Variants in SULF1 observed in about 807,000 individuals in gnomAD.
SULF1 encodes extracellular sulfatase Sulf-1.
Under a neutral mutation model 110.5 loss-of-function variants are expected in SULF1, and 46 were observed. That is an observed-to-expected ratio of 0.42 (90% CI 0.33 to 0.53). The LOEUF is 0.53. SULF1 is among the 20% of genes least tolerant of loss of function. The pLI is 0.12. For missense variants in SULF1, 941 were observed against 1,094.2 expected (o/e 0.86, Z 1.98); for synonymous variants, 371 against 387.1 (o/e 0.96, Z 0.49).
At chr8:69,619,654 G>T (rs1017516730) in intron 13 of SULF1, among the ~76,000 whole-genome samples, 2 of 152,230 alleles carry the variant, frequency 1.3e-5, no homozygotes, top group African/African-American at 4.8e-5. Flanking sequence ...TCACATAGCA[G>T]CATGCCCACT....
At chr8:69,608,583 G>T (rs779731036) in intron 13 of SULF1, among the ~76,000 whole-genome samples, 14 of 152,206 alleles carry the variant, frequency 9.2e-5, no homozygotes, top group Non-Finnish European at 1.6e-4. Context: ...TACTTGGGAG[G>T]CTGAGACCGG....
chr8:69,506,015 G>A (rs557591880), intron 3 of SULF1, among the ~76,000 whole-genome samples: 59 of 151,960 alleles, frequency 3.9e-4, no homozygotes, highest in Non-Finnish European at 5.6e-4. Context: ...CAAAAGCAGT[G>A]ATTTCATAGG....
chr8:69,623,285 A>C (rs1250218590), intron 14 of SULF1, among the ~76,000 whole-genome samples: 1 of 152,186 alleles, frequency 6.6e-6, no homozygotes, highest in Non-Finnish European at 1.5e-5. Context: ...CTCTTTGAAA[A>C]AGCAGCCCAA....
Position 69,495,803 on chromosome 8 carries a change from G to C in SULF1, c.-352G>C, listed in dbSNP as rs1320903662. 1 of 152,186 alleles carries C rather than the reference G, an allele frequency of 6.6e-6. No homozygotes were observed. The highest frequency in any genetic ancestry group is 1.5e-5 in the Non-Finnish European group (1 of 68,032). 9.4% of individuals were successfully genotyped at this position (152,186 alleles called of 1,614,324 possible). On this transcript the variant is annotated 5_prime_UTR_variant, in exon 2 of 23. Coordinates refer to ENST00000402687, the MANE Select transcript of SULF1 (RefSeq NM_001128205.2). ...CTCTTGAACAAGGAACTCACTCAGAGACTAACACAAAGGAAGTAATTTCTT... is the reference window on the plus strand; with the variant it reads ...CTCTTGAACAAGGAACTCACTCAGACACTAACACAAAGGAAGTAATTTCTT...
intron 2 of SULF1, among the ~76,000 whole-genome samples, chr8:69,497,631 G>A (rs1328745972): frequency 1.3e-5 from 2 of 152,172 alleles, no homozygotes; most frequent in African/African-American, 4.8e-5. Context: ...TCAGCATTTT[G>A]CTACTGATGA....
chr8:69,545,239 T>C (rs111630411), intron 3 of SULF1, among the ~76,000 whole-genome samples: 1,771 of 152,276 alleles, frequency 0.012, 40 homozygotes, highest in African/African-American at 0.039. Flanking sequence ...ATCAATTTCA[T>C]AGCACTTACC....
At chr8:69,622,317 A>T (rs970737423) in intron 14 of SULF1, among the ~76,000 whole-genome samples, 1 of 152,152 alleles carries the variant, frequency 6.6e-6, no homozygotes, top group African/African-American at 2.4e-5. Context: ...GGTGACTCAC[A>T]TCTGTAATCC....
intron 14 of SULF1, among the ~76,000 whole-genome samples, chr8:69,623,150 C>A (rs774085619): frequency 2.0e-4 from 30 of 151,584 alleles, no homozygotes; most frequent in Non-Finnish European, 3.7e-4. Context: ...CCGCCCACCC[C>A]TTGCCTTAAC....
intron 22 of SULF1, chr8:69,642,437 C>T (rs957362357): frequency 1.0e-6 from 1 of 980,466 alleles, no homozygotes; most frequent in African/African-American, 1.8e-5. Context: ...TCTTGTTCTT[C>T]ATCTTAACTG....
intron 15 of SULF1, chr8:69,625,904 G>A (rs1355161879): frequency 6.6e-6 from 1 of 152,200 alleles, no homozygotes; most frequent in Non-Finnish European, 1.5e-5. Context: ...GTGCTGATTG[G>A]TGCATTTACA....
intron 3 of SULF1, among the ~76,000 whole-genome samples, chr8:69,556,575 T>C (rs745793825): frequency 6.6e-6 from 1 of 152,202 alleles, no homozygotes; most frequent in African/African-American, 2.4e-5. Context: ...TTCTGCTGAC[T>C]AATGCAATAT....
At chr8:69,603,517 G>A (rs987994052) in intron 11 of SULF1, 83 bp from the exon 12 acceptor site, 19 of 1,336,454 alleles carry the variant, frequency 1.4e-5, no homozygotes, top group Non-Finnish European at 2.0e-5. Flanking sequence ...AGTGAGAGGT[G>A]TTTCTTTAAA....
chr8:69,624,537 C>T lies in SULF1; in HGVS notation c.1850+340C>T, dbSNP rs149407395. Reference sequence around the variant, plus strand: ...GTTCATGAGCCTAAGCAGTTACCTTCGCAGGCATCTAGAAAACAGATGGAA... The same window carrying T: ...GTTCATGAGCCTAAGCAGTTACCTTTGCAGGCATCTAGAAAACAGATGGAA... On this transcript the variant is annotated intron_variant, in intron 15 of 22. Coordinates refer to ENST00000402687, the MANE Select transcript of SULF1 (RefSeq NM_001128205.2). Among the ~76,000 whole-genome samples, 256 of 152,320 alleles carry T rather than the reference C, an allele frequency of 1.7e-3. 1 individual carries two copies. Among genetic ancestry groups the T allele is most frequent in the East Asian group, 4.8e-3 (25 of 5,190 alleles).
At chr8:69,592,561 C>G (rs2130317629) in intron 8 of SULF1, among the ~76,000 whole-genome samples, 1 of 152,206 alleles carries the variant, frequency 6.6e-6, no homozygotes, top group South Asian at 2.1e-4. Flanking sequence ...GGGGTGCTTT[C>G]TTTAATCTCT....
intron 3 of SULF1, among the ~76,000 whole-genome samples, chr8:69,539,846 CA>C (rs1252191621): frequency 1.4e-4 from 21 of 152,150 alleles, no homozygotes; most frequent in Non-Finnish European, 5.9e-5. Context: ...CAGACAGCTG[CA>C]GGTTCATGAG....
intron 1 of SULF1, among the ~76,000 whole-genome samples, chr8:69,485,716 C>T (rs1809677770): frequency 6.6e-6 from 1 of 152,230 alleles, no homozygotes; most frequent in South Asian, 2.1e-4. Context: ...CGCCCAATGC[C>T]TGCTCCTGTG....
intron 8 of SULF1, chr8:69,597,362 C>T (rs1363704883): frequency 6.6e-6 from 1 of 152,200 alleles, no homozygotes; most frequent in Non-Finnish European, 1.5e-5. Flanking sequence ...GTCTGTCTTC[C>T]TTTAAAAGGC....
At chr8:69,582,005 A>G (rs1033602624) in intron 6 of SULF1, among the ~76,000 whole-genome samples, 1 of 152,196 alleles carries the variant, frequency 6.6e-6, no homozygotes, top group Non-Finnish European at 1.5e-5. Flanking sequence ...AGCAAATAAC[A>G]AGGACTATTA....
chr8:69,605,027 T>C, intron 13 of SULF1, 95 bp downstream of exon 13: 1 of 1,532,570 alleles, frequency 6.5e-7, no homozygotes. Flanking sequence ...CATTTGTGTA[T>C]AAATAAGCTT....
Sources: allele counts gnomAD v4.1 joint callset (sites outside exome capture counted in the v4.1 genomes callset), GRCh38; gene constraint gnomAD v4.1.1; transcripts MANE v1.5; gene names NCBI Gene and HGNC (gene_info 2026-07-23, HGNC 2026-07-21).